The following DRD2 variants were observed in gnomAD, a reference collection of about 807,000 sequenced individuals.
The protein encoded by DRD2 is D(2) dopamine receptor.
In DRD2, 8 loss-of-function variants were observed where a neutral mutation model predicts 38.0. The observed-to-expected ratio is 0.21, with a 90% confidence interval of 0.12 to 0.38. DRD2 has a LOEUF of 0.38. Among genes scored for constraint, DRD2 ranks in the 10% least tolerant of loss-of-function variants. DRD2 has a pLI of 1.00. For missense variants in DRD2, 403 were observed against 607.7 expected (o/e 0.66, Z 3.54); for synonymous variants, 230 against 238.6 (o/e 0.96, Z 0.33).
At chr11:113,429,573 G>A (rs772474149) in intron 1 of DRD2, among the ~76,000 whole-genome samples, 2 of 152,180 alleles carry the variant, frequency 1.3e-5, no homozygotes, top group Admixed American at 1.3e-4. Flanking sequence ...AACACCTGGT[G>A]TCAGTCCTGG....
Position 113,426,479 on chromosome 11 carries a change from C to T in DRD2, c.-31-1797G>A, listed in dbSNP as rs1950942551. On this transcript the variant is annotated intron_variant, in intron 1 of 7. Coordinates refer to ENST00000362072, the MANE Select transcript of DRD2 (RefSeq NM_000795.4). ...ATTCCAAGGTGTTTCATACAAAGCA[C>T]ATGACTTCCAGGTACTTTGCTACTG... 2.6e-5 allele frequency among the ~76,000 whole-genome samples: 4 copies of T among 152,212 alleles called. No homozygotes were observed. In the South Asian group the frequency reaches 8.3e-4, roughly 31 times the overall value.
At chr11:113,451,465 A>G (rs1357721053) in intron 1 of DRD2, among the ~76,000 whole-genome samples, 5 of 152,034 alleles carry the variant, frequency 3.3e-5, no homozygotes, top group Non-Finnish European at 7.4e-5. Flanking sequence ...TATATATATA[A>G]TTTTTCCTGT....
intron 1 of DRD2, among the ~76,000 whole-genome samples, chr11:113,449,697 T>C (rs4245148): frequency 0.78 from 118,638 of 151,858 alleles, 48,944 homozygotes; most frequent in Middle Eastern, 0.94. Context: ...CCAGTTAAGC[T>C]GTGATTTTAA....
chr11:113,424,811 G>T, intron 1 of DRD2, 129 bp from the exon 2 acceptor site: 1 of 951,888 alleles, frequency 1.1e-6, no homozygotes, highest in Non-Finnish European at 1.5e-6. Context: ...TTACGGCTAA[G>T]AATTTTCTAA....
intron 1 of DRD2, among the ~76,000 whole-genome samples, chr11:113,442,895 T>C (rs1951107465): frequency 6.6e-6 from 1 of 152,178 alleles, no homozygotes. Context: ...ATTACCTTTG[T>C]GCCTTTTTTC....
intron 1 of DRD2, among the ~76,000 whole-genome samples, chr11:113,439,290 T>C (rs911462246): frequency 7.2e-5 from 11 of 152,198 alleles, no homozygotes; most frequent in African/African-American, 2.7e-4. Flanking sequence ...GGATGTTTGT[T>C]ATGCTGGAGG....
At chr11:113,439,496 A>G (rs1041906835) in intron 1 of DRD2, among the ~76,000 whole-genome samples, 3 of 152,206 alleles carry the variant, frequency 2.0e-5, no homozygotes, top group Non-Finnish European at 4.4e-5. Flanking sequence ...TACTGCTGGA[A>G]GAAGCCTTAG....
chr11:113,456,483 G>A (rs192798151), intron 1 of DRD2, among the ~76,000 whole-genome samples: 27 of 152,178 alleles, frequency 1.8e-4, no homozygotes, highest in Middle Eastern at 3.4e-3. Flanking sequence ...TCATTTGCTC[G>A]TTCCACAATA....
intron 6 of DRD2, chr11:113,413,473 C>T (rs1203571302): frequency 7.0e-6 from 3 of 428,706 alleles, no homozygotes; most frequent in African/African-American, 2.1e-5. Context: ...TCATGGCCTC[C>T]TGGGTTCTTC....
At chr11:113,438,854 A>G (rs1161223182) in intron 1 of DRD2, among the ~76,000 whole-genome samples, 2 of 152,212 alleles carry the variant, frequency 1.3e-5, no homozygotes, top group African/African-American at 4.8e-5. Context: ...GTATCATGCA[A>G]TCATCAGCAC....
chr11:113,449,125 CTG>C (rs1199458097), intron 1 of DRD2, among the ~76,000 whole-genome samples: 1 of 152,168 alleles, frequency 6.6e-6, no homozygotes, highest in East Asian at 1.9e-4. Context: ...TTGATCTAGT[CTG>C]TGACTTTTGT....
intron 4 of DRD2, 82 bp downstream of exon 4, chr11:113,416,781 G>C: frequency 1.9e-6 from 3 of 1,565,126 alleles, no homozygotes; most frequent in Non-Finnish European, 2.6e-6. Context: ...ATCTGTGCCA[G>C]GGACTCTGCT....
In DRD2 at chr11:113,439,017, AAGTAAAATGATAT is replaced by A. The variant is rs1951063025; in HGVS notation, c.-31-14348_-31-14336del. Among the ~76,000 whole-genome samples, 4 of 152,362 alleles carry A rather than the reference AAGTAAAATGATAT, an allele frequency of 2.6e-5. No homozygotes were observed. The South Asian group carries it at 8.3e-4, about 32-fold the overall frequency. On this transcript the variant is annotated intron_variant, in intron 1 of 7. Transcript: ENST00000362072. ...AATTTCAGAGAGTGATAGATGAATC[AAGTAAAATGATAT>A]ATTCCAAAGTGTCTTGCAAACTCTA...
At chr11:113,427,182 G>A (rs1246305654) in intron 1 of DRD2, among the ~76,000 whole-genome samples, 18 of 152,118 alleles carry the variant, frequency 1.2e-4, no homozygotes, top group Admixed American at 8.5e-4. Flanking sequence ...CCTGTCTATG[G>A]CCATACTACC....
chr11:113,458,068 T>TC (rs1951283633), intron 1 of DRD2, among the ~76,000 whole-genome samples: 5 of 152,192 alleles, frequency 3.3e-5, no homozygotes. Flanking sequence ...CTTTCTTAGC[T>TC]CCCCTTGGGC....
intron 5 of DRD2, among the ~76,000 whole-genome samples, chr11:113,414,901 G>A (rs1340851151): frequency 3.9e-5 from 6 of 152,208 alleles, no homozygotes; most frequent in South Asian, 2.1e-4. Flanking sequence ...TGTTCCTTCT[G>A]TGCCCACACA....
chr11:113,419,195 T>A (rs1389038474), intron 2 of DRD2, among the ~76,000 whole-genome samples: 1 of 151,550 alleles, frequency 6.6e-6, no homozygotes, highest in Non-Finnish European at 1.5e-5. Context: ...CATGGCAGAG[T>A]CGGGGCCCCA....
chr11:113,453,705 A>T lies in DRD2; in HGVS notation c.-32+21371T>A, dbSNP rs533451607. Among the ~76,000 whole-genome samples the T allele has an allele frequency of 2.0e-5, 3 of 152,338 alleles. No homozygotes were observed. The South Asian group carries it at 6.2e-4, about 32-fold the overall frequency. On this transcript the variant is annotated intron_variant, in intron 1 of 7. Transcript: ENST00000362072. ...CCACAGATGATTAACACGTTCCATG[A>T]CGGAGATGCCGGCACACGGAAGGGG... is the stretch of plus-strand genomic sequence containing the variant.
intron 1 of DRD2, among the ~76,000 whole-genome samples, chr11:113,445,467 T>C (rs1408079643): frequency 6.6e-6 from 1 of 152,216 alleles, no homozygotes; most frequent in African/African-American, 2.4e-5. Flanking sequence ...GCACCTCCGA[T>C]ACCCAGGTAT....
Sources: gnomAD v4.1 joint callset for allele counts (sites outside exome capture counted in the v4.1 genomes callset) on GRCh38, gnomAD v4.1.1 for gene constraint, MANE v1.5 for transcripts, NCBI Gene and HGNC (gene_info 2026-07-23, HGNC 2026-07-21) for gene names.